The following AXDND1 variants were observed in gnomAD, a reference collection of about 807,000 sequenced individuals.
The protein encoded by AXDND1 is axonemal dynein light chain domain-containing protein 1.
A neutral mutation model predicts 137.5 loss-of-function variants in AXDND1; 110 were observed. The observed-to-expected ratio is 0.80, with a 90% CI of 0.69 to 0.94. The LOEUF (loss-of-function observed/expected upper bound fraction) is 0.94. AXDND1 is among the 40% of genes least tolerant of loss of function. The probability of loss-of-function intolerance (pLI) is 0.00; values close to 1 mark genes in which losing one functional copy is unlikely to be tolerated. For synonymous variants in AXDND1, 414 were observed against 399.7 expected (o/e 1.04, Z -0.43); for missense variants, 1,191 against 1,169.8 (o/e 1.02, Z -0.26).
At chr1:179,454,708 A>C (rs1429841256) in intron 16 of AXDND1, 1 of 152,202 alleles carries the variant, frequency 6.6e-6, no homozygotes, top group African/African-American at 2.4e-5. Context: ...TGTATTTAGT[A>C]TTAGACATAC....
intron 21 of AXDND1, among the ~76,000 whole-genome samples, chr1:179,524,720 G>A (rs34291276): frequency 0.26 from 39,883 of 151,736 alleles, 5,503 homozygotes; most frequent in Non-Finnish European, 0.3. Flanking sequence ...CTTCATTCCC[G>A]CAGCCACTGT....
At chr1:179,476,556 GTT>G (rs71569254) in intron 17 of AXDND1, among the ~76,000 whole-genome samples, 4 of 150,534 alleles carry the variant, frequency 2.7e-5, no homozygotes, top group African/African-American at 9.7e-5. Context: ...AAATTCTTCG[GTT>G]TTTTTTTTAA....
At chr1:179,385,724 G>A (rs1007571242) in intron 9 of AXDND1, among the ~76,000 whole-genome samples, 2 of 152,184 alleles carry the variant, frequency 1.3e-5, no homozygotes, top group African/African-American at 2.4e-5. Context: ...GGGAACCTGT[G>A]GGGAGGCACC....
intron 21 of AXDND1, among the ~76,000 whole-genome samples, chr1:179,518,822 C>T: frequency 6.6e-6 from 1 of 152,074 alleles, no homozygotes; most frequent in East Asian, 1.9e-4. Flanking sequence ...CATGTCATTG[C>T]TATTGTGTAT....
chr1:179,525,508 T>G (rs891060677), intron 22 of AXDND1, 61 bp downstream of exon 22: 2 of 1,480,888 alleles, frequency 1.4e-6, no homozygotes, highest in Non-Finnish European at 1.8e-6. Flanking sequence ...TACATACATA[T>G]ATTTTAGAGA....
chr1:179,457,356 T>A (rs1661564873), intron 16 of AXDND1: 1 of 502,538 alleles, frequency 2.0e-6, no homozygotes, highest in South Asian at 3.2e-5. Context: ...AAGAGAGACT[T>A]TAATGATGCT....
intron 17 of AXDND1, 95 bp from the exon 18 acceptor site, chr1:179,483,033 A>C: frequency 1.3e-6 from 1 of 780,512 alleles, no homozygotes; most frequent in Non-Finnish European, 2.0e-6. Context: ...TAAGTTTACA[A>C]TACCCAGCCA....
intron 18 of AXDND1, among the ~76,000 whole-genome samples, chr1:179,487,738 G>A (rs1304098591): frequency 6.7e-6 from 1 of 148,390 alleles, no homozygotes; most frequent in African/African-American, 2.6e-5. Flanking sequence ...GCTCATGCCT[G>A]TAACTCGACA....
At chr1:179,437,296 G>C (rs995516972) in intron 15 of AXDND1, among the ~76,000 whole-genome samples, 1 of 152,188 alleles carries the variant, frequency 6.6e-6, no homozygotes, top group Non-Finnish European at 1.5e-5. Context: ...TAGCGAGAAA[G>C]GGGGCGGGTG....
At chr1:179,549,018 C>G (rs906631615) in intron 25 of AXDND1, 8 of 152,178 alleles carry the variant, frequency 5.3e-5, no homozygotes, top group Non-Finnish European at 1.0e-4. Flanking sequence ...TTCTCCCACT[C>G]TCAGGGGCAT....
intron 20 of AXDND1, among the ~76,000 whole-genome samples, chr1:179,494,665 G>A (rs563916475): frequency 2.0e-5 from 3 of 151,706 alleles, no homozygotes; most frequent in Non-Finnish European, 4.4e-5. Context: ...TGAACCTCAT[G>A]CCCAGTTATA....
At chr1:179,509,613 A>C (rs1167613968) in intron 21 of AXDND1, among the ~76,000 whole-genome samples, 1 of 152,150 alleles carries the variant, frequency 6.6e-6, no homozygotes, top group African/African-American at 2.4e-5. Context: ...TGTTTTTAGC[A>C]GGTGATTTTA....
intron 20 of AXDND1, among the ~76,000 whole-genome samples, chr1:179,494,307 T>C (rs1667231995): frequency 6.6e-6 from 1 of 152,136 alleles, no homozygotes; most frequent in East Asian, 1.9e-4. Context: ...TGGGATGTTA[T>C]TGTGGTTTTA....
In AXDND1 at chr1:179,522,267, A is replaced by G. The variant is rs112351710; in HGVS notation, c.2497-3067A>G. Among the ~76,000 whole-genome samples the G allele has an allele frequency of 1.2e-4, 18 of 152,160 alleles. No individual in the cohort carries two copies. The South Asian group carries it at 2.5e-3, about 21-fold the overall frequency. On this transcript the variant is annotated intron_variant, in intron 21 of 25. Coordinates refer to ENST00000367618, the MANE Select transcript of AXDND1 (RefSeq NM_144696.6). Reference sequence around the variant, plus strand: ...GCCCTCCAATTGAATTTCATCTGCCATTAAACCTTTCTGTTGAGTTTTTAA... The same window carrying G: ...GCCCTCCAATTGAATTTCATCTGCCGTTAAACCTTTCTGTTGAGTTTTTAA...
At chr1:179,482,573 G>A (rs1330539265) in intron 17 of AXDND1, among the ~76,000 whole-genome samples, 1 of 152,102 alleles carries the variant, frequency 6.6e-6, no homozygotes, top group Non-Finnish European at 1.5e-5. Flanking sequence ...CTAAGGAGAG[G>A]AAGGAGCAGT....
chr1:179,409,345 T>C (rs1002655064), intron 11 of AXDND1, among the ~76,000 whole-genome samples: 2 of 152,196 alleles, frequency 1.3e-5, no homozygotes, highest in Non-Finnish European at 2.9e-5. Context: ...TAGGAGTTTT[T>C]TGGTGCCACT....
intron 20 of AXDND1, among the ~76,000 whole-genome samples, chr1:179,508,335 CAAA>C (rs11298194): frequency 4.6e-4 from 64 of 139,816 alleles, no homozygotes; most frequent in Non-Finnish European, 4.3e-4. Context: ...GACCCTGTCT[CAAA>C]AAAAAAAAAA....
intron 6 of AXDND1, among the ~76,000 whole-genome samples, chr1:179,380,469 C>T (rs1648077626): frequency 1.3e-5 from 2 of 152,156 alleles, no homozygotes; most frequent in South Asian, 4.1e-4. Context: ...AAGTAGCCCT[C>T]TGAGCCAGCA....
chr1:179,418,963 C>T (rs1262423996), intron 12 of AXDND1, among the ~76,000 whole-genome samples: 2 of 150,792 alleles, frequency 1.3e-5, no homozygotes, highest in South Asian at 2.1e-4. Flanking sequence ...CAGAGGCGCT[C>T]CTCACATCCC....
Sources: allele counts gnomAD v4.1 joint callset (sites outside exome capture counted in the v4.1 genomes callset), GRCh38; gene constraint gnomAD v4.1.1; transcripts MANE v1.5; gene names NCBI Gene and HGNC (gene_info 2026-07-23, HGNC 2026-07-21).